LRRTM4: variants seen among roughly 807,000 people sequenced by gnomAD.
The protein encoded by LRRTM4 is leucine-rich repeat transmembrane neuronal protein 4.
Under a neutral mutation model 47.6 loss-of-function variants are expected in LRRTM4, and 25 were observed. The ratio of observed to expected loss-of-function variants is 0.53; its 90% CI spans 0.38 to 0.73. The LOEUF (loss-of-function observed/expected upper bound fraction) is 0.73, where lower values mean the gene tolerates loss of function less well. Ranked by LOEUF, LRRTM4 falls within the 30% of genes least tolerant of loss-of-function variation. The pLI, the probability that LRRTM4 is intolerant of heterozygous loss-of-function variation, is 0.00. For synonymous variants in LRRTM4, 311 were observed against 269.5 expected, an observed-to-expected ratio of 1.15 and a Z score of -1.51; for missense variants, 638 against 713.4, an observed-to-expected ratio of 0.89 and a Z score of 1.20.
rs145008759 is a variant in LRRTM4 at position 77,299,847 on chromosome 2, ATTTTTTTTTT to A, written c.1551+218461_1551+218470del. Among the ~76,000 whole-genome samples, 972 of 114,222 alleles carry A rather than the reference ATTTTTTTTTT, an allele frequency of 8.5e-3. 18 individuals are homozygous for A. Among genetic ancestry groups the A allele is most frequent in the African/African-American group, 0.029 (869 of 29,792 alleles). 74.9% of individuals were successfully genotyped at this position (114,222 alleles called of 152,430 possible). A position where few individuals can be genotyped will look rare whatever the true frequency, so the allele number is the denominator to read the frequency against. On this transcript the variant is annotated intron_variant, in intron 3 of 3. Transcript: ENST00000409884. ...TGTGAGGACATGATGTAAGGTAATG[ATTTTTTTTTT>A]TTTTTTTTTTTTTTGAGACGGGGTC...
chr2:76,976,387 G>A (rs1676418754), intron 3 of LRRTM4, among the ~76,000 whole-genome samples: 1 of 151,132 alleles, frequency 6.6e-6, no homozygotes, highest in South Asian at 2.1e-4. Flanking sequence ...AACGATGAAA[G>A]CTTTATTTAA....
At position 77,148,934 on chromosome 2, in the gene LRRTM4, C is replaced by T. The variant is rs901681594; in HGVS notation, c.1551+369384G>A. 1.1e-4 allele frequency among the ~76,000 whole-genome samples: 16 copies of T among 152,242 alleles called. No individual in the cohort carries two copies. In the East Asian group the frequency reaches 1.2e-3, roughly 11 times the overall value. On this transcript the variant is annotated intron_variant, in intron 3 of 3. Transcript: ENST00000409884. ...ACTCTATGCCCCTTTAAAGATATTT[C>T]GTTTCCTCACATAAAATCCTCCTAA... is the stretch of plus-strand genomic sequence containing the variant.
intron 3 of LRRTM4, among the ~76,000 whole-genome samples, chr2:77,356,309 C>T (rs1311176088): frequency 6.6e-6 from 1 of 152,028 alleles, no homozygotes; most frequent in African/African-American, 2.4e-5. Context: ...CCAGAAGTAA[C>T]CCAGGCTTGA....
chr2:76,764,541 G>A (rs1673381083), intron 3 of LRRTM4, among the ~76,000 whole-genome samples: 1 of 152,316 alleles, frequency 6.6e-6, no homozygotes, highest in African/African-American at 2.4e-5. Flanking sequence ...TGAGGCAGGA[G>A]ACTGGCATGA....
At chr2:77,456,278 C>T (rs1459734379) in intron 3 of LRRTM4, among the ~76,000 whole-genome samples, 1 of 152,082 alleles carries the variant, frequency 6.6e-6, no homozygotes, top group African/African-American at 2.4e-5. Context: ...TATTTCCCCC[C>T]AAGTCATATA....
At chr2:77,064,179 A>T (rs1389283645) in intron 3 of LRRTM4, among the ~76,000 whole-genome samples, 2 of 152,164 alleles carry the variant, frequency 1.3e-5, no homozygotes, top group Non-Finnish European at 2.9e-5. Context: ...CTTTGGTTTA[A>T]CAAAAAGGAT....
intron 3 of LRRTM4, among the ~76,000 whole-genome samples, chr2:76,784,557 T>G (rs548126645): frequency 6.6e-6 from 1 of 152,178 alleles, no homozygotes; most frequent in African/African-American, 2.4e-5. Flanking sequence ...CCACATAAAG[T>G]AAATAAATGC....
At chr2:77,299,235 CTCTCTCTTTATCTATATATATAT>C (rs149701738) in intron 3 of LRRTM4, among the ~76,000 whole-genome samples, 5,329 of 142,892 alleles carry the variant, frequency 0.037, 324 homozygotes, top group African/African-American at 0.13. Flanking sequence ...TACAATCTCT[CTCTCTCTTTATCTATATATATAT>C]ACACACACAC....
chr2:77,247,665 A>G (rs559840700), intron 3 of LRRTM4, among the ~76,000 whole-genome samples: 1 of 152,220 alleles, frequency 6.6e-6, no homozygotes, highest in South Asian at 2.1e-4. Context: ...TACTCTGCCA[A>G]CATCTGTGAT....
intron 3 of LRRTM4, among the ~76,000 whole-genome samples, chr2:77,027,576 T>C (rs1226463392): frequency 6.6e-6 from 1 of 152,186 alleles, no homozygotes; most frequent in Non-Finnish European, 1.5e-5. Flanking sequence ...ACAAATGGCA[T>C]GACTACACCA....
chr2:77,046,453 G>C (rs1211044682), intron 3 of LRRTM4, among the ~76,000 whole-genome samples: 1 of 151,954 alleles, frequency 6.6e-6, no homozygotes, highest in Non-Finnish European at 1.5e-5. Flanking sequence ...TCACTCCACT[G>C]AATTGTACAT....
chr2:77,439,910 C>T (rs111289109), intron 3 of LRRTM4, among the ~76,000 whole-genome samples: 2,105 of 152,202 alleles, frequency 0.014, 26 homozygotes, highest in Non-Finnish European at 0.019. Context: ...TTAAATGTCA[C>T]AGCTAGTACA....
rs990136663 is a variant in LRRTM4 at position 76,989,690 on chromosome 2, A to G, written c.1552-240774T>C. The G allele has an allele frequency of 7.2e-5, 11 of 151,842 alleles. No individual in the cohort carries two copies. In the East Asian group the frequency reaches 1.7e-3, roughly 24 times the overall value. The allele number at this position is 151,842 out of a possible 1,614,324, so 9.4% of individuals were successfully genotyped here. On this transcript the variant is annotated intron_variant, in intron 3 of 3. Transcript: ENST00000409884. ...TAATGGATCTCAGTGTGTTATTGTT[A>G]CATTTAAAAAATCTATACCAGTCAT...
chr2:77,346,051 T>C (rs1242112946), intron 3 of LRRTM4, among the ~76,000 whole-genome samples: 4 of 151,998 alleles, frequency 2.6e-5, no homozygotes, highest in Non-Finnish European at 5.9e-5. Flanking sequence ...CTATAGGTAC[T>C]TGCGTCACCC....
chr2:77,306,898 T>TATATATATATA (rs1491493424), intron 3 of LRRTM4, among the ~76,000 whole-genome samples: 1 of 81,448 alleles, frequency 1.2e-5, no homozygotes, highest in African/African-American at 6.8e-5. Context: ...CTTTTCCATA[T>TATATATATATA]TTTTTTTTTT....
At position 76,874,968 on chromosome 2, in the gene LRRTM4, A is replaced by G. The variant is rs149268696; in HGVS notation, c.1552-126052T>C. Among the ~76,000 whole-genome samples, 574 of 152,070 alleles carry G rather than the reference A, an allele frequency of 3.8e-3. 1 individual carries two copies. Among genetic ancestry groups the G allele is most frequent in the African/African-American group, 0.013 (549 of 41,528 alleles). ...TTAAATTTCTTTATTTCTTATACGT[A>G]TTTGCATTTCTGGTCTCCAGCTTAT... On this transcript the variant is annotated intron_variant, in intron 3 of 3. Transcript: ENST00000409884.
intron 3 of LRRTM4, among the ~76,000 whole-genome samples, chr2:77,044,765 T>C (rs1679178076): frequency 6.6e-6 from 1 of 151,790 alleles, no homozygotes; most frequent in African/African-American, 2.4e-5. Flanking sequence ...TATATAAATA[T>C]CTACACATAC....
intron 3 of LRRTM4, among the ~76,000 whole-genome samples, chr2:76,753,384 C>A (rs1408699351): frequency 6.6e-6 from 1 of 152,134 alleles, no homozygotes; most frequent in Non-Finnish European, 1.5e-5. Flanking sequence ...TGTCTTTTGT[C>A]TTACAGTTTC....
At chr2:77,490,204 C>T (rs1294042825) in intron 3 of LRRTM4, among the ~76,000 whole-genome samples, 3 of 151,678 alleles carry the variant, frequency 2.0e-5, no homozygotes, top group South Asian at 2.1e-4. Flanking sequence ...GAGCCGAGAC[C>T]GCACCACTGC....
Sources: allele counts gnomAD v4.1 joint callset (sites outside exome capture counted in the v4.1 genomes callset), GRCh38; gene constraint gnomAD v4.1.1; transcripts MANE v1.5; gene names NCBI Gene and HGNC (gene_info 2026-07-23, HGNC 2026-07-21).